COL14A1: variants seen among roughly 807,000 people sequenced by gnomAD.
COL14A1 encodes the protein collagen type XIV alpha 1 chain.
A neutral mutation model predicts 230.3 loss-of-function variants in COL14A1; 136 were observed. The observed-to-expected ratio is 0.59, with a 90% CI of 0.51 to 0.68. The LOEUF (loss-of-function observed/expected upper bound fraction) is 0.68, where lower values mean the gene tolerates loss of function less well. COL14A1 is among the 30% of genes least tolerant of loss of function. COL14A1 has a pLI of 0.00. For synonymous variants in COL14A1, 792 were observed against 784.1 expected, an observed-to-expected ratio of 1.01 and a Z score of -0.17; for missense variants, 1,976 against 2,215.8, an observed-to-expected ratio of 0.89 and a Z score of 2.17.
chr8:120,134,229 A>G lies in COL14A1; in HGVS notation c.-38+8889A>G, dbSNP rs1032410453. 1.6e-4 allele frequency among the ~76,000 whole-genome samples: 25 copies of G among 152,078 alleles called. 1 individual carries two copies. The highest frequency in any genetic ancestry group is 3.2e-4 in the Non-Finnish European group (22 of 67,976). On this transcript the variant is annotated intron_variant, in intron 1 of 47. Transcript: ENST00000297848. ...CAATTTTGAGGAGTTTTTGGTACCT[A>G]GTCAAAAATAATCAGAAAGAAAACT...
intron 22 of COL14A1, among the ~76,000 whole-genome samples, 170 bp from the exon 23 acceptor site, chr8:120,255,070 C>T (rs1819099512): frequency 6.6e-6 from 1 of 152,154 alleles, no homozygotes; most frequent in African/African-American, 2.4e-5. Context: ...TCTGTTCTCT[C>T]AAGTCATAAA....
At chr8:120,358,329 A>G (rs1039632308) in intron 45 of COL14A1, among the ~76,000 whole-genome samples, 1 of 152,148 alleles carries the variant, frequency 6.6e-6, no homozygotes, top group Non-Finnish European at 1.5e-5. Context: ...ATGAGGCTAC[A>G]TTGTCCCCCA....
At chr8:120,185,513 CA>C (rs1266203819) in intron 5 of COL14A1, among the ~76,000 whole-genome samples, 1 of 151,920 alleles carries the variant, frequency 6.6e-6, no homozygotes, top group African/African-American at 2.4e-5. Context: ...AACAAACAAA[CA>C]AACATTAACT....
At chr8:120,298,599 A>ATT (rs1173958172) in intron 35 of COL14A1, among the ~76,000 whole-genome samples, 3 of 33,100 alleles carry the variant, frequency 9.1e-5, no homozygotes, top group African/African-American at 3.4e-4. Flanking sequence ...CATATATTTT[A>ATT]TATATATATA....
At chr8:120,176,550 C>A (rs1816288230) in intron 5 of COL14A1, among the ~76,000 whole-genome samples, 1 of 152,104 alleles carries the variant, frequency 6.6e-6, no homozygotes, top group South Asian at 2.1e-4. Flanking sequence ...TCTGGCAAAC[C>A]CAGGACTGTG....
chr8:120,254,879 C>T (rs1199045960), intron 22 of COL14A1, among the ~76,000 whole-genome samples: 1 of 149,918 alleles, frequency 6.7e-6, no homozygotes, highest in Non-Finnish European at 1.5e-5. Context: ...GTGATCCCAA[C>T]TACTTGGAAG....
chr8:120,221,086 G>A (rs1315082959), intron 14 of COL14A1, among the ~76,000 whole-genome samples: 1 of 152,178 alleles, frequency 6.6e-6, no homozygotes, highest in Non-Finnish European at 1.5e-5. Context: ...CAAACATGAT[G>A]GAGAATTAAG....
intron 37 of COL14A1, 24 bp downstream of exon 37, chr8:120,310,086 T>C: frequency 6.2e-7 from 1 of 1,611,270 alleles, no homozygotes; most frequent in Non-Finnish European, 8.5e-7. Context: ...TTTCTCTCTC[T>C]CTCTGTCTCA....
At chr8:120,170,932 A>T (rs551156104) in intron 5 of COL14A1, among the ~76,000 whole-genome samples, 63 of 68,006 alleles carry the variant, frequency 9.3e-4, no homozygotes, top group African/African-American at 2.2e-3. Flanking sequence ...TATTTGCATT[A>T]AAAAAATTCT....
At chr8:120,124,703 T>G (rs528470317), upstream of COL14A1, among the ~76,000 whole-genome samples, 258 of 152,158 alleles carry the variant, frequency 1.7e-3, 2 homozygotes, top group Non-Finnish European at 1.3e-3. Flanking sequence ...GAGCTCAGGG[T>G]CTTTGACGCG....
chr8:120,130,976 T>G (rs574753793), intron 1 of COL14A1, among the ~76,000 whole-genome samples: 3 of 152,326 alleles, frequency 2.0e-5, no homozygotes, highest in Admixed American at 2.0e-4. Context: ...GGTACTTGGT[T>G]TTCTGTTCCT....
intron 5 of COL14A1, 60 bp from the exon 6 acceptor site, chr8:120,196,731 G>C (rs1563665516): frequency 1.3e-6 from 2 of 1,547,630 alleles, no homozygotes; most frequent in East Asian, 4.6e-5. Context: ...CATTAAGATG[G>C]ACTGTTTTTG....
chr8:120,158,348 C>A, intron 3 of COL14A1, 102 bp downstream of exon 3: 1 of 747,688 alleles, frequency 1.3e-6, no homozygotes, highest in Non-Finnish European at 2.4e-6. Context: ...TTTTTGGAAG[C>A]TTTTGGTTTG....
intron 47 of COL14A1, chr8:120,370,951 C>T: frequency 1.8e-6 from 2 of 1,111,220 alleles, no homozygotes; most frequent in Non-Finnish European, 2.5e-6. Context: ...CTAACAATTT[C>T]TGTAATGTAT....
chr8:120,132,576 CTA>C (rs1814565696), intron 1 of COL14A1, among the ~76,000 whole-genome samples: 1 of 95,446 alleles, frequency 1.0e-5, no homozygotes, highest in East Asian at 3.0e-4. Context: ...TTTTTTTTTT[CTA>C]TTTCTGTGAA....
At chr8:120,157,602 C>T (rs972648144) in intron 2 of COL14A1, among the ~76,000 whole-genome samples, 10 of 152,154 alleles carry the variant, frequency 6.6e-5, no homozygotes, top group African/African-American at 2.4e-4. Flanking sequence ...TACTGTTTGA[C>T]AAATGGATAT....
intron 47 of COL14A1, chr8:120,370,406 A>AT (rs1563762067): frequency 1.2e-6 from 2 of 1,607,776 alleles, no homozygotes; most frequent in African/African-American, 2.7e-5. Flanking sequence ...GGCCCCAGAC[A>AT]TTTAGCTGTG....
intron 19 of COL14A1, among the ~76,000 whole-genome samples, chr8:120,232,994 AT>A (rs36142096): frequency 0.093 from 14,073 of 152,132 alleles, 1,266 homozygotes; most frequent in East Asian, 0.4. Context: ...TGTGGTTTTG[AT>A]TTGAGTTTTT....
At chr8:120,129,374 T>A (rs950168991) in intron 1 of COL14A1, among the ~76,000 whole-genome samples, 1 of 152,210 alleles carries the variant, frequency 6.6e-6, no homozygotes, top group Non-Finnish European at 1.5e-5. Flanking sequence ...CCCATTTCTT[T>A]GACAGATGAA....
Sources: allele counts gnomAD v4.1 joint callset (sites outside exome capture counted in the v4.1 genomes callset), GRCh38; gene constraint gnomAD v4.1.1; transcripts MANE v1.5; gene names NCBI Gene and HGNC (gene_info 2026-07-23, HGNC 2026-07-21).